The following ADAMTS9 variants were observed in gnomAD, a reference collection of about 807,000 sequenced individuals.
ADAMTS9 encodes the protein A disintegrin and metalloproteinase with thrombospondin motifs 9.
In ADAMTS9, 107 loss-of-function variants were observed where a neutral mutation model predicts 257.1. The ratio of observed to expected loss-of-function variants is 0.42; its 90% CI spans 0.36 to 0.49. ADAMTS9 has a LOEUF of 0.49. Ranked by LOEUF, ADAMTS9 falls within the 20% of genes least tolerant of loss-of-function variation. ADAMTS9 has a pLI of 0.03. For missense variants in ADAMTS9, 2,353 were observed against 2,469.1 expected (o/e 0.95, Z 1.00); for synonymous variants, 982 against 880.9 (o/e 1.11, Z -2.03).
intron 16 of ADAMTS9, among the ~76,000 whole-genome samples, chr3:64,623,618 G>A (rs1021207416): frequency 2.6e-5 from 4 of 152,192 alleles, no homozygotes; most frequent in African/African-American, 9.7e-5. Flanking sequence ...TTGTTACACA[G>A]TAAAAGATTA....
In ADAMTS9 at chr3:64,604,318, G is replaced by A. The variant is rs1456117139; in HGVS notation, c.3488C>T (p.Pro1163Leu). Residue 1163 changes from proline (P) to leucine (L), a missense_variant, in exon 24 of 40, where the codon CCA becomes CTA. Pro to Leu is a moderately conservative substitution (Grantham distance 98, BLOSUM62 -3). This residue lies in a region of ADAMTS9 where 1,402 missense variants were observed against 1,441.4 expected (regional missense o/e 0.97). Transcript: ENST00000498707. ...GGCAGCTGGGGGAGGATGACATGATGGTAATTCACAGTCCTAGACGTGATG... is the reference window on the plus strand; with the variant it reads ...GGCAGCTGGGGGAGGATGACATGATAGTAATTCACAGTCCTAGACGTGATG... ...RPTDTQDCEL[P>L]SCHPPPAAPE... The A allele has an allele frequency of 6.2e-7, 1 of 1,610,684 alleles. No homozygotes were observed. Among genetic ancestry groups the A allele is most frequent in the Admixed American group, 1.7e-5 (1 of 59,494 alleles).
At position 64,563,778 on chromosome 3, in the gene ADAMTS9, C is replaced by T. The variant is rs148713112; in HGVS notation, c.4525-2027G>A. On this transcript the variant is annotated intron_variant, in intron 29 of 39. Coordinates refer to ENST00000498707, the MANE Select transcript of ADAMTS9 (RefSeq NM_182920.2). The stretch of plus-strand genomic sequence containing the variant: ...GAAATACCACATTCAAAAGTTTCTA[C>T]ATGACTTAAGTGCTCACAGCAAGGT... Among the ~76,000 whole-genome samples the T allele has an allele frequency of 3.3e-4, 51 of 152,334 alleles. No homozygotes were observed. In the East Asian group the frequency reaches 7.0e-3, roughly 21 times the overall value.
At chr3:64,605,333 A>G (rs1020163810) in intron 23 of ADAMTS9, among the ~76,000 whole-genome samples, 1 of 152,266 alleles carries the variant, frequency 6.6e-6, no homozygotes, top group Non-Finnish European at 1.5e-5. Flanking sequence ...TTTAGATGCC[A>G]TAGCTAACAT....
In ADAMTS9 at chr3:64,580,756, T is replaced by C. The variant is rs2106741120; in HGVS notation, c.4357-12221A>G. Reference sequence around the variant, plus strand: ...CTTGTGATAAGTAAAATAAACAAAATCAGGAATCTGGCTAAAAACCCTTGG... The same window carrying C: ...CTTGTGATAAGTAAAATAAACAAAACCAGGAATCTGGCTAAAAACCCTTGG... On this transcript the variant is annotated intron_variant, in intron 28 of 39. Coordinates refer to ENST00000498707, the MANE Select transcript of ADAMTS9 (RefSeq NM_182920.2). Among the ~76,000 whole-genome samples, 3 of 152,232 alleles carry C rather than the reference T, an allele frequency of 2.0e-5. No homozygotes were observed. The East Asian group carries it at 5.8e-4, about 29-fold the overall frequency.
chr3:64,653,453 C>T (rs1280324456), intron 8 of ADAMTS9, among the ~76,000 whole-genome samples: 1 of 152,048 alleles, frequency 6.6e-6, no homozygotes, highest in Non-Finnish European at 1.5e-5. Flanking sequence ...AAAAATATAC[C>T]TGTTATATAT....
chr3:64,590,973 A>G (rs2084248339), intron 28 of ADAMTS9, among the ~76,000 whole-genome samples: 1 of 152,126 alleles, frequency 6.6e-6, no homozygotes, highest in African/African-American at 2.4e-5. Context: ...GATTATCTAG[A>G]TGAATTAGCT....
chr3:64,642,009 G>A lies in ADAMTS9; in HGVS notation c.1711-16C>T. ...ACTTGCAGTGCTGTATTTAATAAGG[G>A]GAATAGTGAGGGAGACTTGGCGCTG... On this transcript the variant is annotated splice_polypyrimidine_tract_variant and intron_variant, in intron 11 of 39. Transcript: ENST00000498707. The A allele has an allele frequency of 6.2e-7, 1 of 1,613,532 alleles. No individual in the cohort carries two copies. Among genetic ancestry groups the A allele is most frequent in the Non-Finnish European group, 8.5e-7 (1 of 1,179,618 alleles).
At chr3:64,591,169 G>A (rs2084251527) in intron 28 of ADAMTS9, among the ~76,000 whole-genome samples, 1 of 152,146 alleles carries the variant, frequency 6.6e-6, no homozygotes, top group Non-Finnish European at 1.5e-5. Flanking sequence ...GGCTGGGCAT[G>A]GTGGCTCATG....
chr3:64,532,062 G>C (rs1575985001), intron 38 of ADAMTS9, among the ~76,000 whole-genome samples: 1 of 152,206 alleles, frequency 6.6e-6, no homozygotes, highest in East Asian at 1.9e-4. Flanking sequence ...CAGCTCATCT[G>C]TGTGGGAAGG....
chr3:64,686,967 C>T lies in ADAMTS9; in HGVS notation c.117G>A (p.Val39=), dbSNP rs749142624. ...VRKDRLHPRQ[V]KLLETLSEYE... ...ATTCGCTCAGGGTCTCTAATAATTT[C>T]ACTGCGGAGAGAAGCAGAGGTATAT... The change falls in exon 2 of 40, where the codon GTG becomes GTA. Residue 39 remains valine (V), a splice_region_variant and synonymous_variant. Coordinates refer to ENST00000498707, the MANE Select transcript of ADAMTS9 (RefSeq NM_182920.2). This position sits in a 1 kb window ranked among gnomAD's most constrained non-coding sequence, Gnocchi z 4.6. 3.1e-6 allele frequency: 5 copies of T among 1,612,664 alleles called. No homozygotes were observed. Among genetic ancestry groups the T allele is most frequent in the Admixed American group, 3.3e-5 (2 of 59,894 alleles).
At chr3:64,680,312 A>C (rs973487395) in intron 3 of ADAMTS9, among the ~76,000 whole-genome samples, 1 of 152,230 alleles carries the variant, frequency 6.6e-6, no homozygotes. Context: ...CAATTTTAAA[A>C]ATAAAGAATA....
chr3:64,618,161 C>A (rs2106851889), intron 19 of ADAMTS9, among the ~76,000 whole-genome samples: 1 of 152,232 alleles, frequency 6.6e-6, no homozygotes, highest in African/African-American at 2.4e-5. Flanking sequence ...TCTAATGAGG[C>A]CTTGGAAACT....
chr3:64,645,120 CAT>C (rs1700754318), intron 11 of ADAMTS9, among the ~76,000 whole-genome samples: 1 of 152,112 alleles, frequency 6.6e-6, no homozygotes, highest in Non-Finnish European at 1.5e-5. Context: ...ATAATAATCA[CAT>C]AGCAAAATTA....
Position 64,632,014 on chromosome 3 carries a change from A to G in ADAMTS9, c.2176-89T>C, listed in dbSNP as rs35122501. On this transcript the variant is annotated intron_variant, in intron 14 of 39. Coordinates refer to ENST00000498707, the MANE Select transcript of ADAMTS9 (RefSeq NM_182920.2). ...TGTGTTTCTTTTAATCGTGTGCACT[A>G]AAAATGACAAGAAAGTCAAGTCCTT... is the stretch of plus-strand genomic sequence containing the variant. 0.23 allele frequency: 213,356 copies of G among 947,970 alleles called. 28,440 individuals carry two copies. The highest frequency in any genetic ancestry group is 0.26 in the Non-Finnish European group (158,518 of 616,124). The allele number at this position is 947,970 out of a possible 1,614,324, so 58.7% of individuals were successfully genotyped here. A position where few individuals can be genotyped will look rare whatever the true frequency, so the allele number is the denominator to read the frequency against.
At chr3:64,536,117 T>C (rs116009055) in intron 37 of ADAMTS9, among the ~76,000 whole-genome samples, 207 of 152,278 alleles carry the variant, frequency 1.4e-3, no homozygotes, top group African/African-American at 4.8e-3. Flanking sequence ...TGTCTGAACA[T>C]GCTCAATATA....
At chr3:64,641,308 TTTTTTA>T (rs1700633655) in intron 12 of ADAMTS9, among the ~76,000 whole-genome samples, 3 of 151,946 alleles carry the variant, frequency 2.0e-5, no homozygotes, top group Non-Finnish European at 2.9e-5. Flanking sequence ...TTTTTGTTGT[TTTTTTA>T]TTTTTATTTT....
At chr3:64,541,816 T>C in intron 33 of ADAMTS9, 22 bp downstream of exon 33, 1 of 1,613,774 alleles carries the variant, frequency 6.2e-7, no homozygotes, top group South Asian at 1.1e-5. Flanking sequence ...TAAAGAAAGA[T>C]AACTTCAGTT....
chr3:64,687,506 G>A lies in ADAMTS9; in HGVS notation c.115+37C>T, dbSNP rs370095936. ...GGAGCGAGGACCGGGAGGCGGCGTC[G>A]GGGCCGGCGGGGTCCCGGGGGCCGG... On this transcript the variant is annotated intron_variant, in intron 1 of 39. Coordinates refer to ENST00000498707, the MANE Select transcript of ADAMTS9 (RefSeq NM_182920.2). The surrounding 1 kb of genome is among the most constrained non-coding windows in gnomAD (Gnocchi z 4.4). The A allele has an allele frequency of 3.4e-6, 5 of 1,476,402 alleles. No individual in the cohort carries two copies. In the South Asian group the frequency reaches 6.6e-5, roughly 19 times the overall value. 91.5% of individuals were successfully genotyped at this position (1,476,402 alleles called of 1,614,324 possible). A position where few individuals can be genotyped will look rare whatever the true frequency, so the allele number is the denominator to read the frequency against.
chr3:64,637,027 G>A (rs1452699418), intron 12 of ADAMTS9, among the ~76,000 whole-genome samples: 1 of 152,104 alleles, frequency 6.6e-6, no homozygotes, highest in Non-Finnish European at 1.5e-5. Context: ...CTTGAGACAG[G>A]CCTCTTTCCA....
Sources: allele counts gnomAD v4.1 joint callset (sites outside exome capture counted in the v4.1 genomes callset), GRCh38; gene constraint gnomAD v4.1.1; regional missense constraint gnomAD v4.1.1; non-coding constraint Gnocchi (gnomAD v3.1); transcripts MANE v1.5; gene names NCBI Gene and HGNC (gene_info 2026-07-23, HGNC 2026-07-21).